SOX5: variants seen among roughly 807,000 people sequenced by gnomAD.
The protein encoded by SOX5 is SRY-box transcription factor 5.
Under a neutral mutation model 92.0 loss-of-function variants are expected in SOX5, and 9 were observed. The ratio of observed to expected loss-of-function variants is 0.10; its 90% CI spans 0.06 to 0.17. The LOEUF (loss-of-function observed/expected upper bound fraction) is 0.17, where lower values mean the gene tolerates loss of function less well. SOX5 is among the 10% of genes least tolerant of loss of function. The pLI is 1.00. For synonymous variants in SOX5, 344 were observed against 336.3 expected, an observed-to-expected ratio of 1.02 and a Z score of -0.25; for missense variants, 642 against 944.5, an observed-to-expected ratio of 0.68 and a Z score of 4.20.
chr12:23,600,647 A>AGTTCACG (rs1345779607), intron 9 of SOX5, among the ~76,000 whole-genome samples: 1 of 150,606 alleles, frequency 6.6e-6, no homozygotes, highest in East Asian at 1.9e-4. Context: ...AACAGTTCAC[A>AGTTCACG]AACAGTAAGT....
chr12:24,245,261 G>C (rs976263244), intron 3 of SOX5, among the ~76,000 whole-genome samples: 5 of 151,534 alleles, frequency 3.3e-5, no homozygotes, highest in Admixed American at 6.6e-5. Context: ...GTGTGTGTGT[G>C]TGTGTGTGTG....
intron 4 of SOX5, among the ~76,000 whole-genome samples, chr12:24,098,546 C>T (rs1490538836): frequency 6.6e-6 from 1 of 152,114 alleles, no homozygotes; most frequent in African/African-American, 2.4e-5. Context: ...CGGTCCAATG[C>T]ATTTACAAAT....
intron 1 of SOX5, among the ~76,000 whole-genome samples, chr12:24,527,049 C>T (rs1950777897): frequency 6.6e-6 from 1 of 152,154 alleles, no homozygotes; most frequent in Non-Finnish European, 1.5e-5. Context: ...ACCTCGTCCT[C>T]CCAAAGTGCT....
rs377626459 is a variant in SOX5 at position 23,577,281 on chromosome 12, G to A, written c.1165-1443C>T. On this transcript the variant is annotated intron_variant, in intron 9 of 14. Transcript: ENST00000451604. ...GCAATCTCGGCTCATCGTGATCTCC[G>A]CCTGCCACTTCAAGTGATTCTCCTG... Among the ~76,000 whole-genome samples, 233 of 142,242 alleles carry A rather than the reference G, an allele frequency of 1.6e-3. 1 individual carries two copies. The highest frequency in any genetic ancestry group is 2.8e-3 in the Non-Finnish European group (183 of 66,090). The allele number at this position is 142,242 out of a possible 152,430, so 93.3% of individuals were successfully genotyped here. A position where few individuals can be genotyped will look rare whatever the true frequency, so the allele number is the denominator to read the frequency against.
At chr12:24,511,985 C>T (rs1949365907) in intron 1 of SOX5, among the ~76,000 whole-genome samples, 1 of 150,196 alleles carries the variant, frequency 6.7e-6, no homozygotes, top group African/African-American at 2.5e-5. Flanking sequence ...TTTTGCAATA[C>T]ATTTTAAATG....
At chr12:24,480,618 C>CA (rs1945882868) in intron 1 of SOX5, among the ~76,000 whole-genome samples, 1 of 151,882 alleles carries the variant, frequency 6.6e-6, no homozygotes, top group Non-Finnish European at 1.5e-5. Context: ...AGACACTTCT[C>CA]AAAAAAAGAC....
intron 6 of SOX5, among the ~76,000 whole-genome samples, chr12:23,666,443 T>A (rs997396649): frequency 4.6e-5 from 7 of 152,210 alleles, no homozygotes; most frequent in African/African-American, 1.7e-4. Flanking sequence ...TACAACCTAA[T>A]GTGGCCATTT....
chr12:24,349,618 CT>C (rs1178088119), intron 2 of SOX5, among the ~76,000 whole-genome samples: 1 of 152,158 alleles, frequency 6.6e-6, no homozygotes, highest in African/African-American at 2.4e-5. Context: ...AATTTCCTTC[CT>C]TTTTAAAGCT....
At chr12:24,553,041 G>T (rs1953364834) in intron 1 of SOX5, among the ~76,000 whole-genome samples, 1 of 152,056 alleles carries the variant, frequency 6.6e-6, no homozygotes, top group African/African-American at 2.4e-5. Context: ...CAAAAAATAA[G>T]AAAAAGTATA....
intron 2 of SOX5, among the ~76,000 whole-genome samples, chr12:23,852,275 A>C (rs2096641746): frequency 6.6e-6 from 1 of 152,098 alleles, no homozygotes; most frequent in Non-Finnish European, 1.5e-5. Context: ...AAACCTTACA[A>C]ATTAATTTGT....
intron 3 of SOX5, among the ~76,000 whole-genome samples, chr12:23,800,165 T>C (rs2095635129): frequency 6.6e-6 from 1 of 151,962 alleles, no homozygotes; most frequent in Non-Finnish European, 1.5e-5. Context: ...CATTTTTAAA[T>C]GGTTGAAAAA....
chr12:23,713,335 A>T (rs1160479046), intron 6 of SOX5, among the ~76,000 whole-genome samples: 1 of 152,192 alleles, frequency 6.6e-6, no homozygotes, highest in Non-Finnish European at 1.5e-5. Flanking sequence ...CATAATTGTG[A>T]GGGAATAAAT....
chr12:24,462,310 G>C (rs1399090309), intron 1 of SOX5, among the ~76,000 whole-genome samples: 2 of 152,150 alleles, frequency 1.3e-5, no homozygotes, highest in Non-Finnish European at 2.9e-5. Flanking sequence ...TAAAAATATA[G>C]TATTATAATC....
In SOX5 at chr12:24,418,488, C is replaced by G. The variant is rs533791681; in HGVS notation, c.-250-49849G>C. 5.3e-5 allele frequency among the ~76,000 whole-genome samples: 8 copies of G among 152,344 alleles called. No individual in the cohort carries two copies. The East Asian group carries it at 1.3e-3, about 26-fold the overall frequency. On this transcript the variant is annotated intron_variant, in intron 1 of 4. Coordinates refer to the SOX5 transcript ENST00000446891. ...TTTGCTTCTGGAAAACATTGCCTTA[C>G]TGTTAAAGAGAGCCACTGGAAGAGA...
rs774430570 is a variant in SOX5, at chr12:23,949,548, A to G, written c.38+16T>C. ...AGTTGTACTTCAATATATTAGGGGGAAAAAACTGTACTCACCTTTCAAACT... is the reference window on the plus strand; with the variant it reads ...AGTTGTACTTCAATATATTAGGGGGGAAAAACTGTACTCACCTTTCAAACT... On this transcript the variant is annotated intron_variant, in intron 1 of 14. Coordinates refer to ENST00000451604, the MANE Select transcript of SOX5 (RefSeq NM_006940.6). 4.3e-5 allele frequency: 69 copies of G among 1,613,140 alleles called. No individual in the cohort carries two copies. Among genetic ancestry groups the G allele is most frequent in the East Asian group, 4.2e-4 (19 of 44,850 alleles).
chr12:23,545,192 T>C (rs1359074911), intron 12 of SOX5, among the ~76,000 whole-genome samples: 1 of 152,158 alleles, frequency 6.6e-6, no homozygotes, highest in Non-Finnish European at 1.5e-5. Context: ...GTTGTGTATA[T>C]TGGAGGATTC....
chr12:23,594,948 A>G (rs1222494278), intron 9 of SOX5, among the ~76,000 whole-genome samples: 1 of 152,150 alleles, frequency 6.6e-6, no homozygotes, highest in East Asian at 1.9e-4. Flanking sequence ...CTCTCTCCCA[A>G]GAAGATTCCC....
At chr12:23,546,630 C>T (rs1206834838) in intron 11 of SOX5, among the ~76,000 whole-genome samples, 1 of 152,148 alleles carries the variant, frequency 6.6e-6, no homozygotes, top group Non-Finnish European at 1.5e-5. Flanking sequence ...TCATAGACCC[C>T]TATAAAGTCT....
At chr12:23,617,784 G>GAA (rs113312800) in intron 8 of SOX5, among the ~76,000 whole-genome samples, 11 of 147,958 alleles carry the variant, frequency 7.4e-5, no homozygotes, top group East Asian at 3.9e-4. Flanking sequence ...TAAACAGCTA[G>GAA]AAAAAAAAAA....
Sources: gnomAD v4.1 joint callset for allele counts (sites outside exome capture counted in the v4.1 genomes callset) on GRCh38, gnomAD v4.1.1 for gene constraint, MANE v1.5 for transcripts, NCBI Gene and HGNC (gene_info 2026-07-23, HGNC 2026-07-21) for gene names.